COA8: variants seen among roughly 807,000 people sequenced by gnomAD.
COA8 encodes the protein cytochrome c oxidase assembly factor 8, also known as UPF0671 protein C14orf153.
In COA8, 20 loss-of-function variants were observed where a neutral mutation model predicts 22.0. The observed-to-expected ratio is 0.91, with a 90% confidence interval of 0.64 to 1.32. COA8 has a LOEUF of 1.32. Among genes scored for constraint, COA8 ranks in the 40% most tolerant of loss-of-function variants. COA8 has a pLI of 0.00. For missense variants in COA8, 266 were observed against 230.0 expected, an observed-to-expected ratio of 1.16 and a Z score of -1.01; for synonymous variants, 105 against 79.9, an observed-to-expected ratio of 1.31 and a Z score of -1.68.
At chr14:103,582,451 A>G (rs1252134509) in intron 3 of COA8, among the ~76,000 whole-genome samples, 3 of 152,156 alleles carry the variant, frequency 2.0e-5, no homozygotes, top group African/African-American at 7.2e-5. Flanking sequence ...ACTGGTCCTC[A>G]TGTGTAAACA....
intron 3 of COA8, among the ~76,000 whole-genome samples, chr14:103,580,143 C>T (rs995180713): frequency 6.6e-6 from 1 of 151,920 alleles, no homozygotes; most frequent in African/African-American, 2.4e-5. Context: ...GTGGCGCGAT[C>T]GTGGCTCCCT....
chr14:103,577,614 C>G (rs1019681865), intron 3 of COA8, among the ~76,000 whole-genome samples: 1 of 152,078 alleles, frequency 6.6e-6, no homozygotes, highest in Non-Finnish European at 1.5e-5. Context: ...CTTGGTGGCT[C>G]ATACCTGTAA....
chr14:103,590,141 C>A, intron 4 of COA8, 40 bp from the exon 5 acceptor site: 1 of 1,576,924 alleles, frequency 6.3e-7, no homozygotes, highest in South Asian at 1.1e-5. Flanking sequence ...GCCTCAGTCC[C>A]TGCCACCGTG....
intron 4 of COA8, 33 bp downstream of exon 4, chr14:103,587,397 T>G: frequency 6.8e-7 from 1 of 1,466,296 alleles, no homozygotes; most frequent in South Asian, 1.2e-5. Context: ...AAAATTTGAA[T>G]AGCACATCCA....
At chr14:103,576,045 C>T (rs1474700749) in intron 3 of COA8, among the ~76,000 whole-genome samples, 2 of 151,890 alleles carry the variant, frequency 1.3e-5, no homozygotes, top group Admixed American at 6.5e-5. Flanking sequence ...CGGTGGTTCA[C>T]GCCTGTAATC....
intron 4 of COA8, among the ~76,000 whole-genome samples, chr14:103,589,821 G>C (rs1160503151): frequency 6.6e-6 from 1 of 151,988 alleles, no homozygotes; most frequent in East Asian, 1.9e-4. Context: ...GGCTGAGGCA[G>C]GAGAATGGCG....
At chr14:103,582,621 A>G (rs1031347293) in intron 3 of COA8, among the ~76,000 whole-genome samples, 2 of 151,662 alleles carry the variant, frequency 1.3e-5, no homozygotes, top group Non-Finnish European at 2.9e-5. Flanking sequence ...GCGTGATGAA[A>G]CCCGTCACTC....
rs1350063339 is a variant in COA8 at position 103,581,268 on chromosome 14, C to G, written c.386-6006C>G. On this transcript the variant is annotated intron_variant, in intron 3 of 4. Transcript: ENST00000409074. The surrounding 1 kb of genome is among the most constrained non-coding windows in gnomAD (Gnocchi z 4.1). ...AGCAATGATAACTAATAAAATAGAA[C>G]AAGTGTAACAATATGCCAGCATCTC... 6.6e-6 allele frequency among the ~76,000 whole-genome samples: 1 copy of G among 152,068 alleles called. No homozygotes were observed. The highest frequency in any genetic ancestry group is 1.5e-5 in the Non-Finnish European group (1 of 68,012).
chr14:103,571,639 C>T lies in COA8; in HGVS notation c.140C>T (p.Pro47Leu). The T allele has an allele frequency of 5.0e-6, 8 of 1,614,120 alleles. No individual in the cohort carries two copies. The highest frequency in any genetic ancestry group is 5.9e-6 in the Non-Finnish European group (7 of 1,179,972). The change falls in exon 2 of 5, where the codon CCT becomes CTT. Residue 47 changes from proline (P) to leucine (L), a missense_variant. Coordinates refer to ENST00000409074, the MANE Select transcript of COA8 (RefSeq NM_001370595.2). ...TAPSGVSRFC[P>L]PRKSCHDWIG... is the part of the protein sequence containing the mutation. The stretch of plus-strand genomic sequence containing the variant: ...TTGTTAAAGGTCTCAAGATTCTGCC[C>T]TCCAAGAAAGTCTTGCCATGATTGG...
chr14:103,566,739 A>G (rs2076137775), intron 1 of COA8, among the ~76,000 whole-genome samples: 1 of 152,218 alleles, frequency 6.6e-6, no homozygotes. Flanking sequence ...GTTGATGCTT[A>G]TGGAGAATGG....
At chr14:103,589,806 C>T (rs1469654838) in intron 4 of COA8, among the ~76,000 whole-genome samples, 3 of 150,782 alleles carry the variant, frequency 2.0e-5, no homozygotes, top group South Asian at 2.1e-4. Flanking sequence ...CCCAGCTACT[C>T]GGGAGGCTGA....
chr14:103,589,733 C>G (rs185231749), intron 4 of COA8, among the ~76,000 whole-genome samples: 3,890 of 151,826 alleles, frequency 0.026, 73 homozygotes, highest in South Asian at 0.054. Flanking sequence ...CGGTGAAACC[C>G]TGTCTCTACT....
At chr14:103,588,277 G>A in intron 4 of COA8, 1 of 397,356 alleles carries the variant, frequency 2.5e-6, no homozygotes, top group Non-Finnish European at 4.4e-6. Flanking sequence ...GACTTTGGGA[G>A]GCCAAGGTGG....
chr14:103,570,217 G>A (rs2076172375), intron 1 of COA8, among the ~76,000 whole-genome samples: 1 of 152,104 alleles, frequency 6.6e-6, no homozygotes. Flanking sequence ...TTTTTAGACT[G>A]ATGGGTAAAA....
Position 103,563,043 on chromosome 14 carries a change from T to C in COA8, c.42T>C (p.Pro14=). Reference sequence around the variant, plus strand: ...CGGGGAAGAAGACCTTTCTCCCCCCTCTCTGCCGCGCCTTCGCCTGCCGCG... The same window carrying C: ...CGGGGAAGAAGACCTTTCTCCCCCCCCTCTGCCGCGCCTTCGCCTGCCGCG... ...LRAGKKTFLP[P]LCRAFACRGC... The change falls in exon 1 of 5, where the codon CCT becomes CCC. Residue 14 remains proline, a synonymous_variant. Transcript: ENST00000409074. 6.5e-7 allele frequency: 1 copy of C among 1,543,440 alleles called. No individual in the cohort carries two copies. The highest frequency in any genetic ancestry group is 8.7e-7 in the Non-Finnish European group (1 of 1,150,060).
chr14:103,588,140 A>AG (rs2151188645), intron 4 of COA8: 1 of 310,502 alleles, frequency 3.2e-6, no homozygotes, highest in East Asian at 4.7e-5. Flanking sequence ...AAAAAAAAAA[A>AG]CGGGTTTTAG....
At chr14:103,590,155 C>A (rs765409002) in intron 4 of COA8, 26 bp from the exon 5 acceptor site, 1 of 1,601,148 alleles carries the variant, frequency 6.2e-7, no homozygotes, top group African/African-American at 1.3e-5. Flanking sequence ...CACCGTGTCA[C>A]CTGTGCATCC....
chr14:103,574,880 T>C (rs2076218945), intron 3 of COA8: 1 of 203,856 alleles, frequency 4.9e-6, no homozygotes, highest in Admixed American at 5.4e-5. Flanking sequence ...TTGGGTCCTG[T>C]GCTGGACACT....
intron 1 of COA8, among the ~76,000 whole-genome samples, chr14:103,568,409 C>T (rs12889403): frequency 0.25 from 37,223 of 151,560 alleles, 5,076 homozygotes; most frequent in East Asian, 0.35. Context: ...TGCCAATTTA[C>T]AGTTAAGAAG....
Sources: gnomAD v4.1 joint callset for allele counts (sites outside exome capture counted in the v4.1 genomes callset) on GRCh38, gnomAD v4.1.1 for gene constraint, Gnocchi (gnomAD v3.1) non-coding constraint, MANE v1.5 for transcripts, NCBI Gene and HGNC (gene_info 2026-07-23, HGNC 2026-07-21) for gene names.